Variants in MAPK8IP3 observed in about 807,000 individuals in gnomAD.
MAPK8IP3 encodes mitogen-activated protein kinase 8 interacting protein 3.
In MAPK8IP3, 49 loss-of-function variants were observed where a neutral mutation model predicts 157.8. The observed-to-expected ratio is 0.31, with a 90% CI of 0.25 to 0.39. The LOEUF is 0.39. Among genes scored for constraint, MAPK8IP3 ranks in the 10% least tolerant of loss-of-function variants. The pLI, the probability that MAPK8IP3 is intolerant of heterozygous loss-of-function variation, is 1.00. For synonymous variants in MAPK8IP3, 897 were observed against 777.7 expected (o/e 1.15, Z -2.55); for missense variants, 1,478 against 1,889.4 (o/e 0.78, Z 4.04).
chr16:1,713,002 C>G (rs543167184), intron 1 of MAPK8IP3, among the ~76,000 whole-genome samples: 1 of 152,252 alleles, frequency 6.6e-6, no homozygotes, highest in African/African-American at 2.4e-5. Context: ...TCGGCACACC[C>G]GGAGATGCTG....
In MAPK8IP3 at chr16:1,768,074, G is replaced by A. The variant is rs776365536; in HGVS notation, c.3529G>A (p.Val1177Ile). The A allele has an allele frequency of 1.2e-5, 19 of 1,612,260 alleles. No individual in the cohort carries two copies. The highest frequency in any genetic ancestry group is 1.4e-5 in the Non-Finnish European group (16 of 1,180,008). ...VISIPLTETV[V>I]LHRGQLLGLR... ...TGCTCCTCCCATGTCCCCAGCTGTG[G>A]TCCTGCACCGAGGCCAGCTCCTGGG... Residue 1177 changes from valine to isoleucine, a missense_variant, in exon 29 of 32, where the codon GTC becomes ATC. Val to Ile is a conservative substitution (Grantham distance 29). Transcript: ENST00000610761.
intron 1 of MAPK8IP3, chr16:1,713,683 G>A (rs939686404): frequency 1.3e-5 from 2 of 152,316 alleles, no homozygotes; most frequent in South Asian, 2.1e-4. Flanking sequence ...TGAAGTTCTC[G>A]AAAGGCCAAG....
At chr16:1,709,919 C>G (rs1047477017) in intron 1 of MAPK8IP3, among the ~76,000 whole-genome samples, 1 of 152,192 alleles carries the variant, frequency 6.6e-6, no homozygotes, top group Non-Finnish European at 1.5e-5. Flanking sequence ...GTAACACCCC[C>G]CAGGCTCATG....
At position 1,748,671 on chromosome 16, in the gene MAPK8IP3, G is replaced by A. The variant is rs759090613; in HGVS notation, c.1167G>A (p.Thr389=). The A allele has an allele frequency of 1.7e-5, 28 of 1,614,072 alleles. No homozygotes were observed. Among genetic ancestry groups the A allele is most frequent in the African/African-American group, 4.0e-5 (3 of 74,942 alleles). ...ACTCCCTGTACCATGAGCTGTCGAC[G>A]GCAGGGTCTGAGGTCATCGGGGATG... The part of the protein sequence containing the change: ...NTDSLYHELS[T]AGSEVIGDVD... Residue 389 remains threonine (T), a synonymous_variant, in exon 8 of 32, where the codon ACG becomes ACA. Transcript: ENST00000610761.
Position 1,768,920 on chromosome 16 carries a change from T to C in MAPK8IP3, c.*96T>C. 1 of 1,398,312 alleles carries C rather than the reference T, an allele frequency of 7.2e-7. No individual in the cohort carries two copies. Among genetic ancestry groups the C allele is most frequent in the South Asian group, 1.3e-5 (1 of 77,530 alleles). The allele number at this position is 1,398,312 out of a possible 1,614,324, so 86.6% of individuals were successfully genotyped here. A position where few individuals can be genotyped will look rare whatever the true frequency, so the allele number is the denominator to read the frequency against. On this transcript the variant is annotated 3_prime_UTR_variant, in exon 32 of 32. Transcript: ENST00000610761. Reference sequence around the variant, plus strand: ...GTAGCCAGCCAGGCGCCGCCGCCCCTCTTCTAACCTCTCAACCTGCAGCTT... The same window carrying C: ...GTAGCCAGCCAGGCGCCGCCGCCCCCCTTCTAACCTCTCAACCTGCAGCTT...
In MAPK8IP3 at chr16:1,760,975, G is replaced by A. The variant is rs551753464; in HGVS notation, c.1458-249G>A. Among the ~76,000 whole-genome samples, 135 of 152,278 alleles carry A rather than the reference G, an allele frequency of 8.9e-4. No individual in the cohort carries two copies. Among genetic ancestry groups the A allele is most frequent in the Non-Finnish European group, 1.7e-3 (118 of 68,002 alleles). ...TGCTTTGCTCCCCCTCCGCATTCCC[G>A]GGCAGCCAGGATGGACGGCTGGGCT... On this transcript the variant is annotated intron_variant, in intron 12 of 31. Transcript: ENST00000610761.
chr16:1,736,053 ACCGT>A (rs143597934), intron 4 of MAPK8IP3, among the ~76,000 whole-genome samples: 10,886 of 89,360 alleles, frequency 0.12, 859 homozygotes, highest in African/African-American at 0.21. Flanking sequence ...TGAGCGTGTG[ACCGT>A]CCGTGTGTGT....
chr16:1,746,649 C>T (rs182534811), intron 5 of MAPK8IP3: 61 of 230,938 alleles, frequency 2.6e-4, no homozygotes, highest in Admixed American at 6.4e-4. Context: ...AGTCAGAGCC[C>T]TCTGCCCTAC....
At chr16:1,708,341 G>A (rs973106794) in intron 1 of MAPK8IP3, among the ~76,000 whole-genome samples, 3 of 152,360 alleles carry the variant, frequency 2.0e-5, no homozygotes, top group African/African-American at 7.2e-5. Flanking sequence ...CTCAGCTGTG[G>A]AGCTGTGGCT....
chr16:1,760,902 A>C (rs2041896326), intron 12 of MAPK8IP3, among the ~76,000 whole-genome samples: 1 of 151,964 alleles, frequency 6.6e-6, no homozygotes, highest in Non-Finnish European at 1.5e-5. Flanking sequence ...GCCTCTGCCT[A>C]AGAAGGGACC....
chr16:1,761,265 A>C lies in MAPK8IP3; in HGVS notation c.1499A>C (p.Glu500Ala), dbSNP rs747328726. ...EAIIARREPK[E>A]EAEDVSSYLC... ...ATCATCGCCCGCCGTGAACCCAAAG[A>C]AGAGGCGGAGGATGTAAGCAGCTAT... Residue 500 changes from glutamate (E) to alanine (A), a missense_variant, in exon 13 of 32, where the codon GAA (glutamate) becomes GCA (alanine). Physicochemically the swap from Glu to Ala is moderately radical, Grantham distance 107 (BLOSUM62 -1). Coordinates refer to ENST00000610761, the MANE Select transcript of MAPK8IP3 (RefSeq NM_001318852.2). 6.2e-7 allele frequency: 1 copy of C among 1,613,674 alleles called. No homozygotes were observed. The highest frequency in any genetic ancestry group is 8.5e-7 in the Non-Finnish European group (1 of 1,180,016).
At position 1,747,028 on chromosome 16, in the gene MAPK8IP3, G is replaced by C; in HGVS notation, c.748-1G>C. The C allele has an allele frequency of 6.2e-7, 1 of 1,613,400 alleles. No homozygotes were observed. The highest frequency in any genetic ancestry group is 1.1e-5 in the South Asian group (1 of 91,062). ...TCCCTCCTCCCTGTGTTTGGCCTTAGTGTCCACAGGATGAAATGTCCGAGT... is the reference window on the plus strand; with the variant it reads ...TCCCTCCTCCCTGTGTTTGGCCTTACTGTCCACAGGATGAAATGTCCGAGT... On this transcript the variant is annotated splice_acceptor_variant, in intron 5 of 31. Coordinates refer to ENST00000610761, the MANE Select transcript of MAPK8IP3 (RefSeq NM_001318852.2). LOFTEE classifies it high-confidence loss of function.
At chr16:1,729,331 G>C (rs934143820) in intron 3 of MAPK8IP3, 123 bp downstream of exon 3, 2 of 1,301,932 alleles carry the variant, frequency 1.5e-6, no homozygotes, top group East Asian at 4.8e-5. Context: ...TTTGCTGCCA[G>C]GCTTGAAGGC....
At chr16:1,761,844 G>A (rs549839218) in intron 13 of MAPK8IP3, among the ~76,000 whole-genome samples, 1 of 152,354 alleles carries the variant, frequency 6.6e-6, no homozygotes, top group East Asian at 1.9e-4. Flanking sequence ...TTCACACACA[G>A]TATATCCTAC....
At position 1,706,768 on chromosome 16, in the gene MAPK8IP3, C is replaced by G. The variant is rs1304512927; in HGVS notation, c.318+111C>G. ...CAGACCCCGCTCCGGCACCCCGGAC[C>G]GCGGGACCCCTGGACCCCCAGACCC... On this transcript the variant is annotated intron_variant, in intron 1 of 31. Transcript: ENST00000610761. The surrounding 1 kb of genome is among the most constrained non-coding windows in gnomAD (Gnocchi z 5.1). 8.1e-7 allele frequency: 1 copy of G among 1,237,538 alleles called. No homozygotes were observed. The highest frequency in any genetic ancestry group is 1.1e-6 in the Non-Finnish European group (1 of 928,326). 76.7% of individuals were successfully genotyped at this position (1,237,538 alleles called of 1,614,324 possible).
rs767014544 is a variant in MAPK8IP3, at chr16:1,706,679, C to T, written c.318+22C>T. 5.3e-6 allele frequency: 8 copies of T among 1,515,986 alleles called. No individual in the cohort carries two copies. The highest frequency in any genetic ancestry group is 1.2e-5 in the South Asian group (1 of 81,624). The allele number at this position is 1,515,986 out of a possible 1,614,324, so 93.9% of individuals were successfully genotyped here. ...GGAGGTGCGTGGGCCGCGGGACCCGCCCGCATCCCCGTCCCGGACCCCCAG... is the reference window on the plus strand; with the variant it reads ...GGAGGTGCGTGGGCCGCGGGACCCGTCCGCATCCCCGTCCCGGACCCCCAG... On this transcript the variant is annotated intron_variant, in intron 1 of 31. Transcript: ENST00000610761. This position sits in a 1 kb window ranked among gnomAD's most constrained non-coding sequence, Gnocchi z 5.1.
chr16:1,722,728 G>A (rs183270805), intron 1 of MAPK8IP3, among the ~76,000 whole-genome samples: 1 of 152,006 alleles, frequency 6.6e-6, no homozygotes, highest in African/African-American at 2.4e-5. Context: ...TTTTTGAGAT[G>A]GAGTCTCGCT....
chr16:1,736,620 G>A (rs111218462), intron 4 of MAPK8IP3, among the ~76,000 whole-genome samples: 8 of 71,502 alleles, frequency 1.1e-4, no homozygotes, highest in African/African-American at 2.2e-4. Flanking sequence ...GTGACCGTCC[G>A]TGTGAGCGTC....
chr16:1,740,355 C>T (rs1388330276), intron 4 of MAPK8IP3, among the ~76,000 whole-genome samples: 2 of 149,044 alleles, frequency 1.3e-5, no homozygotes, highest in Non-Finnish European at 3.0e-5. Context: ...TCCGTGTGAG[C>T]GTGCAACCGT....
Sources: allele counts gnomAD v4.1 joint callset (sites outside exome capture counted in the v4.1 genomes callset), GRCh38; gene constraint gnomAD v4.1.1; non-coding constraint Gnocchi (gnomAD v3.1); transcripts MANE v1.5; gene names NCBI Gene and HGNC (gene_info 2026-07-23, HGNC 2026-07-21).